Variants in MCF2L2 observed in about 807,000 individuals in gnomAD.
The protein encoded by MCF2L2 is MCF.2 cell line derived transforming sequence-like 2.
Under a neutral mutation model 150.2 loss-of-function variants are expected in MCF2L2, and 102 were observed. That is an observed-to-expected ratio of 0.68 (90% confidence interval 0.58 to 0.80). The LOEUF (loss-of-function observed/expected upper bound fraction) is 0.80. MCF2L2 is among the 30% of genes least tolerant of loss of function. The probability of loss-of-function intolerance (pLI) is 0.00; values close to 1 mark genes in which losing one functional copy is unlikely to be tolerated. For missense variants in MCF2L2, 1,256 were observed against 1,372.8 expected, an observed-to-expected ratio of 0.91 and a Z score of 1.34; for synonymous variants, 465 against 491.3, an observed-to-expected ratio of 0.95 and a Z score of 0.71.
intron 15 of MCF2L2, among the ~76,000 whole-genome samples, chr3:183,242,413 CG>C (rs1724068390): frequency 6.6e-6 from 1 of 152,200 alleles, no homozygotes; most frequent in Non-Finnish European, 1.5e-5. Context: ...GGGCCCAGCC[CG>C]GGGACCCCTG....
chr3:183,409,424 T>C (rs7652892), intron 1 of MCF2L2, among the ~76,000 whole-genome samples: 29,422 of 152,060 alleles, frequency 0.19, 3,019 homozygotes, highest in African/African-American at 0.26. Flanking sequence ...CTAACCTGCT[T>C]AAGCCTCAAA....
chr3:183,401,868 T>A (rs1167267306), intron 1 of MCF2L2, among the ~76,000 whole-genome samples: 1 of 152,220 alleles, frequency 6.6e-6, no homozygotes, highest in Non-Finnish European at 1.5e-5. Flanking sequence ...TTGGGCTGTT[T>A]TAAATGAAGT....
chr3:183,304,428 C>A (rs187046415), intron 10 of MCF2L2, among the ~76,000 whole-genome samples: 2 of 150,288 alleles, frequency 1.3e-5, no homozygotes, highest in Non-Finnish European at 2.9e-5. Flanking sequence ...ACCACCCCTA[C>A]AAGATGACTG....
chr3:183,207,977 C>T (rs1156480296), intron 22 of MCF2L2, among the ~76,000 whole-genome samples, 154 bp from the exon 23 acceptor site: 14 of 152,130 alleles, frequency 9.2e-5, no homozygotes, highest in Non-Finnish European at 1.5e-4. Context: ...TAAATCAAAA[C>T]GACAATTTTT....
rs375144678 is a variant in MCF2L2, at chr3:183,181,182, G to A, written c.3017-1023C>T. ...CCAGAGGGCGGTAGGCGGCAGTGGA[G>A]GGAGCTGCAGTTATCTGGGTGAGCA... On this transcript the variant is annotated intron_variant, in intron 27 of 29. Transcript: ENST00000328913. The surrounding 1 kb of genome is among the most constrained non-coding windows in gnomAD (Gnocchi z 4.3). Among the ~76,000 whole-genome samples, 35 of 152,324 alleles carry A rather than the reference G, an allele frequency of 2.3e-4. No homozygotes were observed. In the South Asian group the frequency reaches 7.0e-3, roughly 31 times the overall value.
At chr3:183,242,091 A>T (rs1274947286) in intron 15 of MCF2L2, among the ~76,000 whole-genome samples, 1 of 152,244 alleles carries the variant, frequency 6.6e-6, no homozygotes, top group Non-Finnish European at 1.5e-5. Context: ...AGCATTCAAG[A>T]TGTCACTTGA....
chr3:183,290,537 C>T (rs367570500), intron 13 of MCF2L2, among the ~76,000 whole-genome samples: 2,841 of 151,070 alleles, frequency 0.019, 54 homozygotes, highest in East Asian at 0.051. Context: ...TTCTTTCTTT[C>T]TTTCTTTTTT....
intron 15 of MCF2L2, among the ~76,000 whole-genome samples, chr3:183,259,180 C>A (rs1012538083): frequency 6.6e-6 from 1 of 152,126 alleles, no homozygotes; most frequent in African/African-American, 2.4e-5. Flanking sequence ...GTATCTTAGT[C>A]AGTTTTTCTG....
At position 183,402,419 on chromosome 3, in the gene MCF2L2, A is replaced by G. The variant is rs1042342415; in HGVS notation, c.77-12640T>C. ...CAGTGAGCCGAGATCACGCCACTGC[A>G]TTCCAGCCTGGGCTACAGAGCGAGA... On this transcript the variant is annotated intron_variant, in intron 1 of 29. Coordinates refer to ENST00000328913, the MANE Select transcript of MCF2L2 (RefSeq NM_015078.4). 2.8e-5 allele frequency among the ~76,000 whole-genome samples: 4 copies of G among 142,280 alleles called. No individual in the cohort carries two copies. In the Admixed American group the frequency reaches 3.0e-4, roughly 11 times the overall value. The allele number at this position is 142,280 out of a possible 152,430, so 93.3% of individuals were successfully genotyped here.
rs1383631467 is a variant in MCF2L2 at position 183,379,295 on chromosome 3, A to G, written c.275+2T>C. ...GGCGGCAGGACACTGTGCTCAGCTC[A>G]CCTGGGGATGCTAGTCAGGTAGGTC... On this transcript the variant is annotated splice_donor_variant, in intron 3 of 29. Transcript: ENST00000328913. LOFTEE classifies it high-confidence loss of function. The G allele has an allele frequency of 1.9e-6, 3 of 1,604,050 alleles. No homozygotes were observed. In the Admixed American group the frequency reaches 5.1e-5, roughly 27 times the overall value.
chr3:183,316,617 T>G (rs1189895236), intron 7 of MCF2L2, among the ~76,000 whole-genome samples: 1 of 151,742 alleles, frequency 6.6e-6, no homozygotes, highest in Non-Finnish European at 1.5e-5. Flanking sequence ...AGTGCTAGGA[T>G]TACACGCATG....
At position 183,228,250 on chromosome 3, in the gene MCF2L2, G is replaced by A. The variant is rs769442199; in HGVS notation, c.2115+47C>T. 7.6e-6 allele frequency: 11 copies of A among 1,450,866 alleles called. No homozygotes were observed. The South Asian group carries it at 1.3e-4, about 17-fold the overall frequency. The allele number at this position is 1,450,866 out of a possible 1,614,324, so 89.9% of individuals were successfully genotyped here. On this transcript the variant is annotated intron_variant, in intron 18 of 29. Coordinates refer to ENST00000328913, the MANE Select transcript of MCF2L2 (RefSeq NM_015078.4). ...TGTCCTTGCCACTTAACGCAGAAAT[G>A]TAAGGGCTGACTTTAACATGATTAT...
chr3:183,321,437 CA>C (rs754945400), intron 6 of MCF2L2, among the ~76,000 whole-genome samples: 1,275 of 87,186 alleles, frequency 0.015, 7 homozygotes, highest in African/African-American at 0.036. Context: ...GACTCTGTCT[CA>C]AAAAAAAAAA....
chr3:183,408,103 C>T (rs1285355812), intron 1 of MCF2L2, among the ~76,000 whole-genome samples: 1 of 148,588 alleles, frequency 6.7e-6, no homozygotes, highest in Non-Finnish European at 1.5e-5. Context: ...CGGAAAATTA[C>T]CTTGTCCCCC....
intron 10 of MCF2L2, among the ~76,000 whole-genome samples, chr3:183,308,247 C>T (rs532577972): frequency 2.2e-4 from 34 of 152,208 alleles, no homozygotes; most frequent in African/African-American, 8.2e-4. Context: ...ATAAATAACC[C>T]TCTGGATAGG....
rs529077917 is a variant in MCF2L2 at position 183,380,978 on chromosome 3, A to G, written c.161-1567T>C. Among the ~76,000 whole-genome samples the G allele has an allele frequency of 1.2e-4, 19 of 152,322 alleles. 1 individual carries two copies. The South Asian group carries it at 3.9e-3, about 32-fold the overall frequency. ...CTAAGTTGTTAGGACATAGATACAT[A>G]TTAAGTTGTTTGACATGTTAGTTAT... is the stretch of plus-strand genomic sequence containing the variant. On this transcript the variant is annotated intron_variant, in intron 2 of 29. Transcript: ENST00000328913.
At chr3:183,218,334 A>G (rs940216215) in intron 21 of MCF2L2, among the ~76,000 whole-genome samples, 6 of 152,226 alleles carry the variant, frequency 3.9e-5, no homozygotes, top group Non-Finnish European at 7.3e-5. Flanking sequence ...AACAACATCA[A>G]TAAGGGATTA....
intron 3 of MCF2L2, among the ~76,000 whole-genome samples, chr3:183,348,632 A>G (rs1730993766): frequency 6.6e-6 from 1 of 152,182 alleles, no homozygotes; most frequent in African/African-American, 2.4e-5. Context: ...CAAAAGATAC[A>G]CTTTTGTGTA....
chr3:183,271,474 TTATTA>T (rs1726777117), intron 15 of MCF2L2: 1 of 167,172 alleles, frequency 6.0e-6, no homozygotes, highest in Non-Finnish European at 1.5e-5. Context: ...GTGTACAATG[TTATTA>T]TAAACAGACA....
Sources: gnomAD v4.1 joint callset for allele counts (sites outside exome capture counted in the v4.1 genomes callset) on GRCh38, gnomAD v4.1.1 for gene constraint, Gnocchi (gnomAD v3.1) non-coding constraint, MANE v1.5 for transcripts, NCBI Gene and HGNC (gene_info 2026-07-23, HGNC 2026-07-21) for gene names.